DPYSL2: variants seen among roughly 807,000 people sequenced by gnomAD.
DPYSL2 encodes dihydropyrimidinase-related protein 2.
DPYSL2 carries 13 observed loss-of-function variants against 69.9 expected under a neutral mutation model. The observed-to-expected ratio is 0.19, with a 90% confidence interval of 0.12 to 0.30. DPYSL2 has a LOEUF of 0.30. DPYSL2 is among the 10% of genes least tolerant of loss of function. DPYSL2 has a pLI of 1.00. For missense variants in DPYSL2, 587 were observed against 918.9 expected, an observed-to-expected ratio of 0.64 and a Z score of 4.67; for synonymous variants, 326 against 359.1, an observed-to-expected ratio of 0.91 and a Z score of 1.04.
At chr8:26,632,371 T>C (rs543803496) in intron 7 of DPYSL2, among the ~76,000 whole-genome samples, 25 of 152,326 alleles carry the variant, frequency 1.6e-4, no homozygotes, top group African/African-American at 5.1e-4. Context: ...AATTTGACAG[T>C]GGCTCTGAGC....
At chr8:26,584,276 G>A (rs1228608289) in intron 3 of DPYSL2, among the ~76,000 whole-genome samples, 3 of 152,162 alleles carry the variant, frequency 2.0e-5, no homozygotes, top group African/African-American at 7.2e-5. Context: ...CCTAGAATGT[G>A]ATTTGGTTTT....
intron 3 of DPYSL2, among the ~76,000 whole-genome samples, chr8:26,589,912 C>T (rs1801686488): frequency 6.6e-6 from 1 of 152,226 alleles, no homozygotes; most frequent in African/African-American, 2.4e-5. Flanking sequence ...CCCGGCTCTT[C>T]CTACTGAGCC....
At position 26,552,704 on chromosome 8, in the gene DPYSL2, A is replaced by T. The variant is rs907639286; in HGVS notation, c.355-29265A>T. The stretch of plus-strand genomic sequence containing the variant: ...AGAGACTGCCAAACTGGCTTTCATA[A>T]CAGACCCGCTCTTGTGATAAGTAGC... On this transcript the variant is annotated intron_variant, in intron 1 of 13. Transcript: ENST00000521913. Among the ~76,000 whole-genome samples the T allele has an allele frequency of 5.9e-5, 9 of 152,168 alleles. 1 individual carries two copies. The highest frequency in any genetic ancestry group is 2.6e-4 in the Admixed American group (4 of 15,280).
At chr8:26,634,634 A>G in intron 7 of DPYSL2, 146 bp from the exon 8 acceptor site, 1 of 1,376,928 alleles carries the variant, frequency 7.3e-7, no homozygotes, top group Non-Finnish European at 9.9e-7. Context: ...AAGGCAAGTC[A>G]TACTCCTTTG....
chr8:26,655,703 C>T lies in DPYSL2; in HGVS notation c.2031C>T (p.Gly677=), dbSNP rs777326265. Residue 677 remains glycine (G), a synonymous_variant, in exon 14 of 14, where the codon GGC becomes GGT. Transcript: ENST00000521913. ...GCCGTGCCAACATCACCAGCCTGGGCTAGAGCTCCTGGGCTGTGCCGTCCA... is the reference window on the plus strand; with the variant it reads ...GCCGTGCCAACATCACCAGCCTGGGTTAGAGCTCCTGGGCTGTGCCGTCCA... The part of the protein sequence containing the change: ...PGGRANITSL[G] 6.2e-7 allele frequency: 1 copy of T among 1,605,796 alleles called. No individual in the cohort carries two copies. The highest frequency in any genetic ancestry group is 8.5e-7 in the Non-Finnish European group (1 of 1,178,940).
chr8:26,622,167 C>T (rs1966766), intron 3 of DPYSL2, among the ~76,000 whole-genome samples: 6,315 of 74,104 alleles, frequency 0.085, 550 homozygotes, highest in Admixed American at 0.15. Flanking sequence ...CCCTCTCTCT[C>T]TCTTTCTTTC....
At chr8:26,559,671 A>G (rs1409956202) in intron 1 of DPYSL2, among the ~76,000 whole-genome samples, 1 of 152,168 alleles carries the variant, frequency 6.6e-6, no homozygotes, top group African/African-American at 2.4e-5. Flanking sequence ...ACAATTAAGG[A>G]TATTAACTCG....
At chr8:26,524,557 G>T (rs1416805115) in intron 1 of DPYSL2, among the ~76,000 whole-genome samples, 1 of 152,034 alleles carries the variant, frequency 6.6e-6, no homozygotes, top group Non-Finnish European at 1.5e-5. Flanking sequence ...CAGCACTTTG[G>T]AAGGTCAAGG....
chr8:26,556,553 T>C (rs1186378902), intron 1 of DPYSL2, among the ~76,000 whole-genome samples: 1 of 149,498 alleles, frequency 6.7e-6, no homozygotes, highest in Non-Finnish European at 1.5e-5. Context: ...CAATGAACAA[T>C]TAGAATTTAT....
chr8:26,540,920 A>AAG (rs397932714), intron 1 of DPYSL2, among the ~76,000 whole-genome samples: 1 of 151,202 alleles, frequency 6.6e-6, no homozygotes, highest in Non-Finnish European at 1.5e-5. Flanking sequence ...AAAAAAAAAA[A>AAG]GGAAATATAT....
In DPYSL2 at chr8:26,643,018, G is replaced by T. The variant is rs1036158967; in HGVS notation, c.1127-421G>T. On this transcript the variant is annotated intron_variant, in intron 8 of 13. Coordinates refer to ENST00000521913, the MANE Select transcript of DPYSL2 (RefSeq NM_001197293.3). The surrounding 1 kb of genome is among the most constrained non-coding windows in gnomAD (Gnocchi z 6.5). ...GACACTGTGAAGGGCTAGGAATTGT[G>T]AAAAGATTGTGTGAATGAACAGGAA... is the stretch of plus-strand genomic sequence containing the variant. The T allele has an allele frequency of 6.1e-6, 1 of 164,132 alleles. No homozygotes were observed. The highest frequency in any genetic ancestry group is 2.4e-5 in the African/African-American group (1 of 41,652). 10.2% of individuals were successfully genotyped at this position (164,132 alleles called of 1,614,324 possible). A position where few individuals can be genotyped will look rare whatever the true frequency, so the allele number is the denominator to read the frequency against.
chr8:26,634,784 A>T lies in DPYSL2; in HGVS notation c.1010A>T (p.Glu337Val). Residue 337 changes from glutamate (E) to valine (V), a missense_variant, in exon 8 of 14, where the codon GAG (glutamate) becomes GTG (valine). This residue lies in a region of DPYSL2 where 452 missense variants were observed against 754.3 expected (regional missense o/e 0.60). Coordinates refer to ENST00000521913, the MANE Select transcript of DPYSL2 (RefSeq NM_001197293.3). Reference protein sequence around the residue: ...GHVLSRPEEVEAEAVNRAITI... With the variant: ...GHVLSRPEEVVAEAVNRAITI... ...TGCTCTGCTGCTGTTTTGCAGGTCG[A>T]GGCCGAAGCCGTGAATCGTGCCATC... 1.2e-6 allele frequency: 2 copies of T among 1,614,140 alleles called. No individual in the cohort carries two copies. Among genetic ancestry groups the T allele is most frequent in the Non-Finnish European group, 1.7e-6 (2 of 1,180,016 alleles).
chr8:26,589,732 T>C (rs551378862), intron 3 of DPYSL2, among the ~76,000 whole-genome samples: 1 of 152,286 alleles, frequency 6.6e-6, no homozygotes, highest in African/African-American at 2.4e-5. Flanking sequence ...ATGGGACAGC[T>C]CCCTCTGTCT....
chr8:26,624,297 G>A lies in DPYSL2; in HGVS notation c.783G>A (p.Val261=). 3 of 1,614,050 alleles carry A rather than the reference G, an allele frequency of 1.9e-6. No homozygotes were observed. In the East Asian group the frequency reaches 6.7e-5, roughly 36 times the overall value. ...TCCAGGAGGAGATGGAAGCGCTTGT[G>A]AAGGATCACGGTAGGTTGCACTGAG... The part of the protein sequence containing the change: ...KGIQEEMEAL[V]KDHGVNSFLV... The change falls in exon 4 of 14, where the codon GTG becomes GTA. Residue 261 remains valine (V), a synonymous_variant. Coordinates refer to ENST00000521913, the MANE Select transcript of DPYSL2 (RefSeq NM_001197293.3). This position sits in a 1 kb window ranked among gnomAD's most constrained non-coding sequence, Gnocchi z 4.7.
At chr8:26,622,452 GTGTGTGTGTGTGTGTGTGTGTATA>G (rs1220946050) in intron 3 of DPYSL2, among the ~76,000 whole-genome samples, 1 of 101,866 alleles carries the variant, frequency 9.8e-6, no homozygotes, top group Non-Finnish European at 2.1e-5. Flanking sequence ...TATTGTATGT[GTGTGTGTGTGTGTGTGTGTGTATA>G]TGTGTGTGTG....
intron 1 of DPYSL2, among the ~76,000 whole-genome samples, chr8:26,572,170 C>T (rs1379337193): frequency 6.6e-6 from 1 of 152,218 alleles, no homozygotes; most frequent in Non-Finnish European, 1.5e-5. Context: ...AAATTCTGAA[C>T]ATTGCACTAA....
In DPYSL2 at chr8:26,591,075, T is replaced by G. The variant is rs1801715160; in HGVS notation, c.628+7092T>G. ...GCAGTTACAGTGCTGGAAATGAGCC[T>G]GACTCACTGGGGTGGTGATCTTCCA... is the stretch of plus-strand genomic sequence containing the variant. On this transcript the variant is annotated intron_variant, in intron 3 of 13. Coordinates refer to ENST00000521913, the MANE Select transcript of DPYSL2 (RefSeq NM_001197293.3). The surrounding 1 kb of genome is among the most constrained non-coding windows in gnomAD (Gnocchi z 5.8). Among the ~76,000 whole-genome samples, 1 of 152,190 alleles carries G rather than the reference T, an allele frequency of 6.6e-6. No homozygotes were observed. The highest frequency in any genetic ancestry group is 2.4e-5 in the African/African-American group (1 of 41,462).
chr8:26,565,419 A>G lies in DPYSL2; in HGVS notation c.355-16550A>G, dbSNP rs1011412549. 2.0e-5 allele frequency among the ~76,000 whole-genome samples: 3 copies of G among 152,168 alleles called. No homozygotes were observed. The highest frequency in any genetic ancestry group is 6.5e-5 in the Admixed American group (1 of 15,270). ...GCAGAATGATGCTGCTGGTGAGAGT[A>G]GTCCAGGAAATGGACCATGGGGGCC... On this transcript the variant is annotated intron_variant, in intron 1 of 13. Coordinates refer to ENST00000521913, the MANE Select transcript of DPYSL2 (RefSeq NM_001197293.3). The surrounding 1 kb of genome is among the most constrained non-coding windows in gnomAD (Gnocchi z 4.1).
In DPYSL2 at chr8:26,643,619, A is replaced by C; in HGVS notation, c.1283+24A>C. ...TGGTGAGTCCTGGCGACTTGTTCAC[A>C]CTTCACATTCTGTCTTTCTTCAGAC... On this transcript the variant is annotated intron_variant, in intron 9 of 13. Coordinates refer to ENST00000521913, the MANE Select transcript of DPYSL2 (RefSeq NM_001197293.3). This position sits in a 1 kb window ranked among gnomAD's most constrained non-coding sequence, Gnocchi z 6.5. 1 of 1,614,116 alleles carries C rather than the reference A, an allele frequency of 6.2e-7. No homozygotes were observed. The highest frequency in any genetic ancestry group is 2.2e-5 in the East Asian group (1 of 44,878).
Sources: allele counts gnomAD v4.1 joint callset (sites outside exome capture counted in the v4.1 genomes callset), GRCh38; gene constraint gnomAD v4.1.1; regional missense constraint gnomAD v4.1.1; non-coding constraint Gnocchi (gnomAD v3.1); transcripts MANE v1.5; gene names NCBI Gene and HGNC (gene_info 2026-07-23, HGNC 2026-07-21).